ZSCAN5C: variants seen among roughly 807,000 people sequenced by gnomAD.
ZSCAN5C encodes zinc finger and SCAN domain containing 5C.
Under a neutral mutation model 17.3 loss-of-function variants are expected in ZSCAN5C, and 11 were observed. That is an observed-to-expected ratio of 0.64 (90% CI 0.40 to 1.06). The LOEUF is 1.06. Among genes scored for constraint, ZSCAN5C ranks in the 50% least tolerant of loss-of-function variants. ZSCAN5C has a pLI of 0.00. For synonymous variants in ZSCAN5C, 229 were observed against 208.4 expected (o/e 1.10, Z -0.85); for missense variants, 698 against 538.9 (o/e 1.30, Z -2.92).
chr19:56,208,268 G>C, intron 4 of ZSCAN5C, 84 bp downstream of exon 4: 1 of 667,240 alleles, frequency 1.5e-6, no homozygotes, highest in Non-Finnish European at 2.7e-6. Flanking sequence ...ATCATGTCTG[G>C]GGGAGTTGGC....
intron 1 of ZSCAN5C, among the ~76,000 whole-genome samples, chr19:56,204,759 C>T (rs1044739811): frequency 2.6e-5 from 4 of 151,840 alleles, no homozygotes; most frequent in Non-Finnish European, 5.9e-5. Flanking sequence ...TGACTTTTCC[C>T]AAGACCCTCC....
chr19:56,207,598 A>G (rs1413936256), intron 3 of ZSCAN5C, among the ~76,000 whole-genome samples: 1 of 151,310 alleles, frequency 6.6e-6, no homozygotes, highest in Non-Finnish European at 1.5e-5. Context: ...TCAGCAGGGA[A>G]CTCACCTCCT....
chr19:56,205,818 GA>G lies in ZSCAN5C; in HGVS notation c.-91del. ...GAATGAACAGTGAATCTATTACTGA[GA>G]AAAACCAGGGGTGGCCTGTGTATAT... On this transcript the variant is annotated 5_prime_UTR_variant, in exon 2 of 5. It introduces an in-frame stop codon into an upstream open reading frame of the 5' UTR. Coordinates refer to ENST00000534327, the Ensembl canonical transcript of ZSCAN5C. 1 of 615,750 alleles carries G rather than the reference GA, an allele frequency of 1.6e-6. No individual in the cohort carries two copies. Among genetic ancestry groups the G allele is most frequent in the Non-Finnish European group, 2.9e-6 (1 of 347,006 alleles). The allele number at this position is 615,750 out of a possible 1,614,324, so 38.1% of individuals were successfully genotyped here.
rs988140439 is a variant in ZSCAN5C at position 56,206,378 on chromosome 19, C to T, written c.384+81C>T. On this transcript the variant is annotated intron_variant, in intron 2 of 4. Coordinates refer to ENST00000534327, the Ensembl canonical transcript of ZSCAN5C. ...TGGTGCAGCTGGACTCGAGAGGACC[C>T]GAGGGGCTGCTCTAGGTCAGGGCTT... The T allele has an allele frequency of 9.8e-5, 141 of 1,433,404 alleles. 1 individual carries two copies. The highest frequency in any genetic ancestry group is 1.8e-4 in the African/African-American group (12 of 65,868). The allele number at this position is 1,433,404 out of a possible 1,614,324, so 88.8% of individuals were successfully genotyped here.
exon 5 of ZSCAN5C, chr19:56,208,826 G>A (rs200083612): frequency 6.6e-5 from 103 of 1,557,612 alleles, no homozygotes; most frequent in Non-Finnish European, 7.7e-5. Context: ...CAAGTTAGCC[G>A]TCCACACGAG....
At chr19:56,206,883 A>G (rs967376236) in intron 2 of ZSCAN5C, among the ~76,000 whole-genome samples, 176 bp from the exon 3 acceptor site, 4 of 151,952 alleles carry the variant, frequency 2.6e-5, no homozygotes, top group African/African-American at 9.7e-5. Context: ...TAAAGGACTC[A>G]TATTTATATA....
chr19:56,204,844 C>G (rs1479371768), intron 1 of ZSCAN5C, among the ~76,000 whole-genome samples: 2 of 151,926 alleles, frequency 1.3e-5, no homozygotes, highest in East Asian at 1.9e-4. Flanking sequence ...GGGCTGTGTT[C>G]TCATAGCTGT....
At chr19:56,203,241 G>T (rs2032889013) in intron 1 of ZSCAN5C, among the ~76,000 whole-genome samples, 1 of 151,388 alleles carries the variant, frequency 6.6e-6, no homozygotes, top group South Asian at 2.1e-4. Context: ...TTTAATTCCA[G>T]AATTTCAGGC....
At chr19:56,205,211 T>A (rs1051092026) in intron 1 of ZSCAN5C, among the ~76,000 whole-genome samples, 1 of 151,902 alleles carries the variant, frequency 6.6e-6, no homozygotes, top group South Asian at 2.1e-4. Context: ...ATTGTTCACC[T>A]GAAGAGGGTA....
chr19:56,209,298 A>G, downstream of ZSCAN5C: 2 of 598,562 alleles, frequency 3.3e-6, no homozygotes, highest in Non-Finnish European at 5.9e-6. Flanking sequence ...GGCGCCTGGC[A>G]CGCAGAGGAG....
exon 5 of ZSCAN5C, chr19:56,209,163 G>T: frequency 8.6e-7 from 1 of 1,167,770 alleles, no homozygotes; most frequent in Non-Finnish European, 1.3e-6. Context: ...ACCTTAAGAC[G>T]CCACCAGAAA....
chr19:56,208,602 A>G (rs910716109), exon 5 of ZSCAN5C: 15 of 1,603,252 alleles, frequency 9.4e-6, no homozygotes, highest in African/African-American at 2.7e-5. Context: ...AGAGGTCTCA[A>G]AAGAAGCAAA....
At chr19:56,206,057 G>A (rs779946039) in exon 2 of ZSCAN5C, 2 of 1,613,194 alleles carry the variant, frequency 1.2e-6, no homozygotes, top group Admixed American at 1.7e-5. Context: ...TGAACTTCAG[G>A]ATGTTCAGCT....
intron 2 of ZSCAN5C, 67 bp from the exon 3 acceptor site, chr19:56,206,992 C>T: frequency 1.5e-6 from 1 of 665,398 alleles, no homozygotes; most frequent in East Asian, 2.7e-5. Flanking sequence ...TATGGCAGGA[C>T]CCAGGGAATA....
rs951580224 is a variant in ZSCAN5C, at chr19:56,205,963, G to A, written c.50G>A (p.Ser17Asn). The A allele has an allele frequency of 2.7e-6, 4 of 1,464,818 alleles. No individual in the cohort carries two copies. The East Asian group carries it at 6.8e-5, about 25-fold the overall frequency. 90.7% of individuals were successfully genotyped at this position (1,464,818 alleles called of 1,614,324 possible). Reference sequence around the variant, plus strand: ...TGGAGTCTAGGAGAATCCTGCAACAGCCCTGGGTCAGAGCCACCACAGTCC... The same window carrying A: ...TGGAGTCTAGGAGAATCCTGCAACAACCCTGGGTCAGAGCCACCACAGTCC... Residue 17 changes from serine (S) to asparagine (N), a missense_variant, in exon 2 of 5, where the codon AGC becomes AAC. Coordinates refer to ENST00000534327, the Ensembl canonical transcript of ZSCAN5C.
exon 2 of ZSCAN5C, chr19:56,205,815 T>A: frequency 1.6e-6 from 1 of 612,806 alleles, no homozygotes. Context: ...AATCTATTAC[T>A]GAGAAAAACC....
exon 4 of ZSCAN5C, chr19:56,208,115 G>T (rs1230525451): frequency 1.3e-6 from 1 of 777,550 alleles, no homozygotes; most frequent in Admixed American, 1.7e-5. Flanking sequence ...CTTGGAGAAG[G>T]ACCTGGAGGA....
At chr19:56,207,347 T>C in intron 3 of ZSCAN5C, 85 bp downstream of exon 3, 1 of 642,432 alleles carries the variant, frequency 1.6e-6, no homozygotes, top group East Asian at 2.7e-5. Flanking sequence ...GATTGAGAGA[T>C]TTGGCACAGG....
chr19:56,207,172 C>A (rs1307427795), exon 3 of ZSCAN5C: 1 of 778,938 alleles, frequency 1.3e-6, no homozygotes, highest in Non-Finnish European at 2.4e-6. Context: ...GCCAGCGGAC[C>A]TCCTCTGTGA....
Sources: allele counts gnomAD v4.1 joint callset (sites outside exome capture counted in the v4.1 genomes callset), GRCh38; gene constraint gnomAD v4.1.1; transcripts MANE v1.5; gene names NCBI Gene and HGNC (gene_info 2026-07-23, HGNC 2026-07-21).